Variants in DENND1B observed in about 807,000 individuals in gnomAD.
The protein encoded by DENND1B is DENN domain-containing protein 1B.
In DENND1B, 59 loss-of-function variants were observed where a neutral mutation model predicts 90.1. The ratio of observed to expected loss-of-function variants is 0.65; its 90% CI spans 0.53 to 0.81. DENND1B has a LOEUF of 0.81. Among genes scored for constraint, DENND1B ranks in the 40% least tolerant of loss-of-function variants. The pLI is 0.00. For synonymous variants in DENND1B, 337 were observed against 324.6 expected, an observed-to-expected ratio of 1.04 and a Z score of -0.41; for missense variants, 862 against 912.6, an observed-to-expected ratio of 0.94 and a Z score of 0.71.
intron 14 of DENND1B, among the ~76,000 whole-genome samples, chr1:197,591,925 G>A (rs373559337): frequency 4.0e-5 from 6 of 151,722 alleles, no homozygotes; most frequent in African/African-American, 7.2e-5. Flanking sequence ...CCTGGCTAAC[G>A]CGGCAAAACC....
intron 2 of DENND1B, among the ~76,000 whole-genome samples, chr1:197,770,590 T>TTGTG (rs59631965): frequency 2.5e-4 from 37 of 145,420 alleles, no homozygotes; most frequent in South Asian, 6.4e-4. Flanking sequence ...AATTAGCCTG[T>TTGTG]TGTGTGTGTG....
intron 21 of DENND1B, among the ~76,000 whole-genome samples, chr1:197,512,337 T>C (rs1486749156): frequency 6.6e-6 from 1 of 151,740 alleles, no homozygotes; most frequent in Non-Finnish European, 1.5e-5. Context: ...TGCATATTCC[T>C]TTACATAGAC....
intron 6 of DENND1B, among the ~76,000 whole-genome samples, chr1:197,652,821 T>C (rs2125938074): frequency 6.6e-6 from 1 of 152,196 alleles, no homozygotes; most frequent in South Asian, 2.1e-4. Flanking sequence ...GGTCACTACT[T>C]GACCCACAAT....
chr1:197,584,529 GA>G (rs1674523187), intron 14 of DENND1B, among the ~76,000 whole-genome samples: 1 of 152,032 alleles, frequency 6.6e-6, no homozygotes, highest in South Asian at 2.1e-4. Flanking sequence ...CACTGCTATA[GA>G]AAAAAGAAAA....
intron 12 of DENND1B, among the ~76,000 whole-genome samples, chr1:197,608,985 T>A (rs1020578257): frequency 1.9e-4 from 28 of 150,424 alleles, no homozygotes; most frequent in African/African-American, 6.3e-4. Flanking sequence ...CAAATTTTTT[T>A]AAATTTGGAT....
intron 10 of DENND1B, among the ~76,000 whole-genome samples, chr1:197,628,560 A>G (rs1679013215): frequency 6.6e-6 from 1 of 152,184 alleles, no homozygotes; most frequent in South Asian, 2.1e-4. Context: ...TTAGACCTAA[A>G]ACCATAAAAA....
chr1:197,523,160 G>C (rs1273663864), intron 20 of DENND1B, among the ~76,000 whole-genome samples: 1 of 152,096 alleles, frequency 6.6e-6, no homozygotes, highest in African/African-American at 2.4e-5. Context: ...AATGACCTTT[G>C]AGGACATTCA....
rs185064590 is a variant in DENND1B at position 197,762,373 on chromosome 1, C to T, written c.82+10495G>A. On this transcript the variant is annotated intron_variant, in intron 2 of 22. Coordinates refer to ENST00000620048, the MANE Select transcript of DENND1B (RefSeq NM_001195215.2). ...GCTCTGCCTCGCGGGTTCACGCCAT[C>T]CTCCTGCCTCAGCCTCCTGAGTAGC... 5.1e-3 allele frequency among the ~76,000 whole-genome samples: 775 copies of T among 152,134 alleles called. 8 individuals are homozygous for T. The highest frequency in any genetic ancestry group is 0.017 in the African/African-American group (720 of 41,498).
chr1:197,656,180 G>T (rs902437367), intron 6 of DENND1B, among the ~76,000 whole-genome samples: 4 of 151,958 alleles, frequency 2.6e-5, no homozygotes, highest in Non-Finnish European at 4.4e-5. Context: ...CAAAGAGTGT[G>T]TCTGAAATAC....
At chr1:197,684,330 T>C (rs778800078) in intron 3 of DENND1B, among the ~76,000 whole-genome samples, 11 of 152,152 alleles carry the variant, frequency 7.2e-5, no homozygotes, top group Non-Finnish European at 1.3e-4. Flanking sequence ...ATAATAGAGT[T>C]AGGATTTGAA....
chr1:197,705,761 T>C (rs1354826180), intron 3 of DENND1B, among the ~76,000 whole-genome samples: 1 of 150,820 alleles, frequency 6.6e-6, no homozygotes, highest in African/African-American at 2.4e-5. Flanking sequence ...AATGGTAAAA[T>C]GAGTGAGCAA....
chr1:197,692,313 G>C (rs772244447), intron 3 of DENND1B, among the ~76,000 whole-genome samples: 1 of 151,726 alleles, frequency 6.6e-6, no homozygotes, highest in Admixed American at 6.6e-5. Flanking sequence ...TTAAAATATA[G>C]ATGTGATGTG....
chr1:197,672,525 G>T (rs1211211024), intron 4 of DENND1B, among the ~76,000 whole-genome samples: 1 of 151,922 alleles, frequency 6.6e-6, no homozygotes, highest in Non-Finnish European at 1.5e-5. Context: ...TTCAACTTTA[G>T]CCTCTTTTCT....
intron 11 of DENND1B, among the ~76,000 whole-genome samples, chr1:197,615,367 G>A (rs1317267224): frequency 6.6e-6 from 1 of 150,914 alleles, no homozygotes; most frequent in Non-Finnish European, 1.5e-5. Flanking sequence ...ATGGCATTAC[G>A]GCTCTCCACA....
At chr1:197,658,256 T>C (rs762874612) in intron 6 of DENND1B, 44 bp downstream of exon 6, 2 of 1,449,634 alleles carry the variant, frequency 1.4e-6, no homozygotes, top group Non-Finnish European at 1.9e-6. Flanking sequence ...TTTTGTGTTA[T>C]AAGTATTTTA....
chr1:197,611,768 T>C lies in DENND1B; in HGVS notation c.819+163A>G, dbSNP rs757468710. On this transcript the variant is annotated intron_variant, in intron 12 of 22. Transcript: ENST00000620048. ...GTCATTTAGTATGTTAATTTAAATGTAATTATTTCAATGTTGTCTTTTTAA... is the reference window on the plus strand; with the variant it reads ...GTCATTTAGTATGTTAATTTAAATGCAATTATTTCAATGTTGTCTTTTTAA... 3.8e-4 allele frequency among the ~76,000 whole-genome samples: 58 copies of C among 150,810 alleles called. 1 individual carries two copies. The highest frequency in any genetic ancestry group is 1.3e-3 in the Admixed American group (20 of 15,082).
chr1:197,683,396 G>C (rs1656893411), intron 3 of DENND1B, among the ~76,000 whole-genome samples: 1 of 152,098 alleles, frequency 6.6e-6, no homozygotes, highest in Admixed American at 6.6e-5. Flanking sequence ...CTGAAAAGGG[G>C]CAAGACTAAA....
chr1:197,570,356 A>G (rs1673044218), intron 15 of DENND1B, among the ~76,000 whole-genome samples: 1 of 152,156 alleles, frequency 6.6e-6, no homozygotes, highest in Non-Finnish European at 1.5e-5. Flanking sequence ...CCAAAACTAC[A>G]TGGGATTTAT....
rs192436049 is a variant in DENND1B, at chr1:197,617,284, T to C, written c.773+375A>G. Among the ~76,000 whole-genome samples the C allele has an allele frequency of 4.4e-3, 666 of 151,170 alleles. 3 individuals carry two copies. The highest frequency in any genetic ancestry group is 6.2e-3 in the Non-Finnish European group (421 of 67,388). ...CAAGAGTATGCCCTGACAGAGACAA[T>C]GTGGTTGCTGGCAGATTTGCCAGAC... On this transcript the variant is annotated intron_variant, in intron 11 of 22. Transcript: ENST00000620048.
Sources: gnomAD v4.1 joint callset for allele counts (sites outside exome capture counted in the v4.1 genomes callset) on GRCh38, gnomAD v4.1.1 for gene constraint, MANE v1.5 for transcripts, NCBI Gene and HGNC (gene_info 2026-07-23, HGNC 2026-07-21) for gene names.